PPP3CA: variants seen among roughly 807,000 people sequenced by gnomAD.
PPP3CA encodes the protein protein phosphatase 3 catalytic subunit alpha, also known as CAM-PRP catalytic subunit.
PPP3CA carries 14 observed loss-of-function variants against 66.5 expected under a neutral mutation model. The observed-to-expected ratio is 0.21, with a 90% CI of 0.14 to 0.33. The LOEUF is 0.33. Ranked by LOEUF, PPP3CA falls within the 10% of genes least tolerant of loss-of-function variation. The pLI is 1.00. For synonymous variants in PPP3CA, 232 were observed against 226.2 expected, an observed-to-expected ratio of 1.03 and a Z score of -0.23; for missense variants, 317 against 639.5, an observed-to-expected ratio of 0.50 and a Z score of 5.44.
intron 3 of PPP3CA, chr4:101,108,240 G>C (rs1258661963): frequency 6.6e-6 from 1 of 152,154 alleles, no homozygotes; most frequent in African/African-American, 2.4e-5. Flanking sequence ...CACAGACAGA[G>C]ACACATGCAG....
At chr4:101,216,000 C>A (rs887961287) in intron 1 of PPP3CA, among the ~76,000 whole-genome samples, 2 of 152,036 alleles carry the variant, frequency 1.3e-5, no homozygotes, top group Non-Finnish European at 2.9e-5. Context: ...AAATTTGGAA[C>A]ATCTTGTATT....
chr4:101,240,477 TC>T (rs1449113679), intron 1 of PPP3CA, among the ~76,000 whole-genome samples: 3 of 151,978 alleles, frequency 2.0e-5, no homozygotes, highest in African/African-American at 7.2e-5. Flanking sequence ...GCAGTTTTGT[TC>T]CCCCCACCCT....
chr4:101,207,061 A>T (rs1249129450), intron 1 of PPP3CA, among the ~76,000 whole-genome samples: 1 of 152,206 alleles, frequency 6.6e-6, no homozygotes, highest in Non-Finnish European at 1.5e-5. Flanking sequence ...AAAAATTGCA[A>T]ACATTTTGAA....
chr4:101,176,728 C>T (rs930187415), intron 2 of PPP3CA, among the ~76,000 whole-genome samples: 2 of 152,036 alleles, frequency 1.3e-5, no homozygotes, highest in Non-Finnish European at 2.9e-5. Flanking sequence ...GAGAAAATCA[C>T]AGAGAACTGT....
At chr4:101,316,870 G>A (rs1728898516) in intron 1 of PPP3CA, among the ~76,000 whole-genome samples, 1 of 152,076 alleles carries the variant, frequency 6.6e-6, no homozygotes, top group Non-Finnish European at 1.5e-5. Flanking sequence ...CTTTTCTTCT[G>A]GAAGTCAGTC....
intron 1 of PPP3CA, among the ~76,000 whole-genome samples, chr4:101,243,868 G>C (rs1726392259): frequency 6.6e-6 from 1 of 152,140 alleles, no homozygotes; most frequent in Non-Finnish European, 1.5e-5. Flanking sequence ...CTCATTCATT[G>C]ACCCCTGGAC....
At chr4:101,056,852 A>C in intron 10 of PPP3CA, among the ~76,000 whole-genome samples, 1 of 150,824 alleles carries the variant, frequency 6.6e-6, no homozygotes, top group East Asian at 1.9e-4. Flanking sequence ...AAAAAAAAAA[A>C]CAACTCACTT....
chr4:101,222,659 C>T (rs1436659940), intron 1 of PPP3CA, among the ~76,000 whole-genome samples: 1 of 151,540 alleles, frequency 6.6e-6, no homozygotes, highest in African/African-American at 2.4e-5. Flanking sequence ...ATTCATTGCA[C>T]TGATGAAAAT....
At chr4:101,221,377 C>G (rs1025995410) in intron 1 of PPP3CA, among the ~76,000 whole-genome samples, 1 of 151,428 alleles carries the variant, frequency 6.6e-6, no homozygotes, top group Non-Finnish European at 1.5e-5. Context: ...TATTTTACAT[C>G]TATTTCAAAT....
At chr4:101,143,928 C>T (rs185318053) in intron 2 of PPP3CA, among the ~76,000 whole-genome samples, 3 of 152,296 alleles carry the variant, frequency 2.0e-5, no homozygotes, top group Non-Finnish European at 4.4e-5. Context: ...CATACACATC[C>T]TGTCTTGGAT....
chr4:101,161,095 C>T (rs1204469327), intron 2 of PPP3CA, among the ~76,000 whole-genome samples: 1 of 152,078 alleles, frequency 6.6e-6, no homozygotes, highest in Non-Finnish European at 1.5e-5. Context: ...CAAATACTTA[C>T]CTTTGTGTTA....
At chr4:101,247,255 G>A (rs573718119) in intron 1 of PPP3CA, among the ~76,000 whole-genome samples, 3 of 151,242 alleles carry the variant, frequency 2.0e-5, no homozygotes, top group Admixed American at 1.3e-4. Flanking sequence ...TTCGCCTCCC[G>A]AGTTCAAGCA....
chr4:101,077,912 T>C (rs2110237337), intron 8 of PPP3CA, among the ~76,000 whole-genome samples: 1 of 152,008 alleles, frequency 6.6e-6, no homozygotes, highest in South Asian at 2.1e-4. Context: ...AAATAGCTAC[T>C]GGTCTCAGGC....
At chr4:101,175,254 G>A (rs552051052) in intron 2 of PPP3CA, among the ~76,000 whole-genome samples, 1 of 152,270 alleles carries the variant, frequency 6.6e-6, no homozygotes, top group African/African-American at 2.4e-5. Context: ...TTAAAGGGAA[G>A]ACTAAAGTTG....
At chr4:101,035,365 T>C (rs1378247445) in intron 11 of PPP3CA, among the ~76,000 whole-genome samples, 1 of 152,094 alleles carries the variant, frequency 6.6e-6, no homozygotes, top group African/African-American at 2.4e-5. Context: ...GCCAAGTAAA[T>C]TATTAGCTTT....
chr4:101,309,488 G>A (rs1728652835), intron 1 of PPP3CA, among the ~76,000 whole-genome samples: 1 of 152,064 alleles, frequency 6.6e-6, no homozygotes, highest in African/African-American at 2.4e-5. Flanking sequence ...CGGGTGGGGG[G>A]TGGTAGAGGG....
At chr4:101,316,452 T>C (rs1578659204) in intron 1 of PPP3CA, among the ~76,000 whole-genome samples, 1 of 152,140 alleles carries the variant, frequency 6.6e-6, no homozygotes, top group Admixed American at 6.6e-5. Context: ...ATTTACATTA[T>C]AAAGAATTAC....
At chr4:101,205,077 A>C (rs1329397611) in intron 1 of PPP3CA, among the ~76,000 whole-genome samples, 1 of 151,734 alleles carries the variant, frequency 6.6e-6, no homozygotes. Flanking sequence ...CACTGGGATG[A>C]ATTTAAAGAG....
At chr4:101,285,372 G>T (rs1485948468) in intron 1 of PPP3CA, among the ~76,000 whole-genome samples, 1 of 151,754 alleles carries the variant, frequency 6.6e-6, no homozygotes, top group Non-Finnish European at 1.5e-5. Context: ...CTGCTAAATA[G>T]ATTTACATCT....
Sources: allele counts gnomAD v4.1 joint callset (sites outside exome capture counted in the v4.1 genomes callset), GRCh38; gene constraint gnomAD v4.1.1; transcripts MANE v1.5; gene names NCBI Gene and HGNC (gene_info 2026-07-23, HGNC 2026-07-21).